Variants in AADACL2 observed in about 807,000 individuals in gnomAD.
AADACL2 encodes the protein arylacetamide deacetylase-like 2.
AADACL2 carries 23 observed loss-of-function variants against 22.3 expected under a neutral mutation model. The ratio of observed to expected loss-of-function variants is 1.03; its 90% CI spans 0.74 to 1.46. The LOEUF is 1.46. Among genes scored for constraint, AADACL2 ranks in the 40% most tolerant of loss-of-function variants. The pLI, the probability that AADACL2 is intolerant of heterozygous loss-of-function variation, is 0.00. For synonymous variants in AADACL2, 177 were observed against 166.2 expected (o/e 1.07, Z -0.50); for missense variants, 472 against 482.9 (o/e 0.98, Z 0.21).
In AADACL2 at chr3:151,759,406, T is replaced by C. The variant is rs535135013; in HGVS notation, c.*1812T>C. The C allele has an allele frequency of 5.3e-5, 8 of 152,138 alleles. No homozygotes were observed. Among genetic ancestry groups the C allele is most frequent in the Non-Finnish European group, 1.0e-4 (7 of 67,982 alleles). The allele number at this position is 152,138 out of a possible 1,614,324, so 9.4% of individuals were successfully genotyped here. A position where few individuals can be genotyped will look rare whatever the true frequency, so the allele number is the denominator to read the frequency against. ...GCAGCTCTCTAGGAAGCACATTTTGTTGATTGTCCTATTGTCTGAACATTT... is the reference window on the plus strand; with the variant it reads ...GCAGCTCTCTAGGAAGCACATTTTGCTGATTGTCCTATTGTCTGAACATTT... On this transcript the variant is annotated 3_prime_UTR_variant, in exon 5 of 5. Coordinates refer to ENST00000356517, the MANE Select transcript of AADACL2 (RefSeq NM_207365.4).
chr3:151,742,058 T>G (rs1483092122), intron 2 of AADACL2, among the ~76,000 whole-genome samples: 2 of 152,180 alleles, frequency 1.3e-5, no homozygotes, highest in African/African-American at 4.8e-5. Context: ...TTAGATACTT[T>G]CTAATTTTCA....
intron 4 of AADACL2, among the ~76,000 whole-genome samples, chr3:151,755,654 T>G (rs993893160): frequency 1.3e-5 from 2 of 152,098 alleles, no homozygotes; most frequent in African/African-American, 4.8e-5. Context: ...AATGACATAA[T>G]GGGGAACATA....
chr3:151,757,268 G>A lies in AADACL2; in HGVS notation c.880G>A (p.Asp294Asn). The change falls in exon 5 of 5, where the codon GAC becomes AAC. Residue 294 changes from aspartate (D) to asparagine (N), a missense_variant. Physicochemically the swap from Asp to Asn is conservative, Grantham distance 23. Around this residue, in one of 3 missense-constraint regions of AADACL2, gnomAD observed 356 missense variants for 365.5 expected, o/e 0.97. Coordinates refer to ENST00000356517, the MANE Select transcript of AADACL2 (RefSeq NM_207365.4). ...TCTTCTTCCTGAGAAGTATAGAAAAGACTATGTATATACTGAACCAATTCT... is the reference window on the plus strand; with the variant it reads ...TCTTCTTCCTGAGAAGTATAGAAAAAACTATGTATATACTGAACCAATTCT... ...SILLPEKYRK[D>N]YVYTEPILGG... The A allele has an allele frequency of 6.2e-7, 1 of 1,613,698 alleles. No homozygotes were observed.
intron 1 of AADACL2, among the ~76,000 whole-genome samples, chr3:151,736,912 A>G (rs1011543280): frequency 5.3e-5 from 8 of 152,156 alleles, no homozygotes; most frequent in Non-Finnish European, 1.2e-4. Context: ...TGTATTTCAC[A>G]ATGGTCGAAC....
At position 151,759,650 on chromosome 3, in the gene AADACL2, T is replaced by C. The variant is rs1413320904; in HGVS notation, c.*2056T>C. On this transcript the variant is annotated 3_prime_UTR_variant, in exon 5 of 5. Transcript: ENST00000356517. Reference sequence around the variant, plus strand: ...TATGTGGTAGAAATGTATGCTAAGGTAGGCCAGTCAATCCTTTTTTATTTA... The same window carrying C: ...TATGTGGTAGAAATGTATGCTAAGGCAGGCCAGTCAATCCTTTTTTATTTA... 6.6e-6 allele frequency: 1 copy of C among 152,240 alleles called. No homozygotes were observed. Among genetic ancestry groups the C allele is most frequent in the Non-Finnish European group, 1.5e-5 (1 of 68,044 alleles). The allele number at this position is 152,240 out of a possible 1,614,324, so 9.4% of individuals were successfully genotyped here.
intron 4 of AADACL2, among the ~76,000 whole-genome samples, chr3:151,747,633 T>C (rs1446369219): frequency 1.3e-5 from 2 of 151,668 alleles, no homozygotes; most frequent in East Asian, 3.9e-4. Context: ...TGTGTGTGTG[T>C]GTGTGTAGAT....
chr3:151,745,027 T>C (rs1034404322), intron 3 of AADACL2, among the ~76,000 whole-genome samples: 1 of 152,156 alleles, frequency 6.6e-6, no homozygotes, highest in Non-Finnish European at 1.5e-5. Context: ...TAATAACTAC[T>C]GGGTATTATC....
chr3:151,747,379 T>A (rs1713488383), intron 4 of AADACL2, among the ~76,000 whole-genome samples: 1 of 152,078 alleles, frequency 6.6e-6, no homozygotes, highest in South Asian at 2.1e-4. Flanking sequence ...CTTTCACCAA[T>A]ATCTCCCTGT....
Position 151,757,141 on chromosome 3 carries a change from C to G in AADACL2, c.753C>G (p.Ser251Arg). ...GGGATGTAGCCATAAAACTCGTGAG[C>G]TTATATTTCACCAAGGATGAAGCAC... ...LTRDVAIKLV[S>R]LYFTKDEALP... The change falls in exon 5 of 5, where the codon AGC becomes AGG. Residue 251 changes from serine (S) to arginine (R), a missense_variant. Transcript: ENST00000356517. 1 of 1,613,146 alleles carries G rather than the reference C, an allele frequency of 6.2e-7. No individual in the cohort carries two copies. The highest frequency in any genetic ancestry group is 8.5e-7 in the Non-Finnish European group (1 of 1,179,612).
intron 4 of AADACL2, among the ~76,000 whole-genome samples, chr3:151,756,780 C>T (rs1461973773): frequency 6.6e-6 from 1 of 151,512 alleles, no homozygotes; most frequent in East Asian, 1.9e-4. Flanking sequence ...TTTCCTCACA[C>T]AAAAAATCAA....
Position 151,734,090 on chromosome 3 carries a change from T to C in AADACL2, c.55T>C (p.Phe19Leu), listed in dbSNP as rs1349606799. The C allele has an allele frequency of 1.2e-6, 2 of 1,613,558 alleles. No homozygotes were observed. Among genetic ancestry groups the C allele is most frequent in the Admixed American group, 3.3e-5 (2 of 59,882 alleles). ...GLLCVLFVSHFYTPMPDNIEE... is the reference protein window; with the variant it reads ...GLLCVLFVSHLYTPMPDNIEE... ...GCTTTGTGTTCTTTTTGTCTCTCAT[T>C]TTTACACACCCATGCCAGACAACAT... is the stretch of plus-strand genomic sequence containing the variant. Residue 19 changes from phenylalanine to leucine, a missense_variant, in exon 1 of 5, where the codon TTT becomes CTT. Around this residue, in one of 3 missense-constraint regions of AADACL2, gnomAD observed 356 missense variants for 365.5 expected, o/e 0.97. Transcript: ENST00000356517.
In AADACL2 at chr3:151,757,434, T is replaced by G; in HGVS notation, c.1046T>G (p.Met349Arg). The G allele has an allele frequency of 6.2e-7, 1 of 1,613,684 alleles. No individual in the cohort carries two copies. Among genetic ancestry groups the G allele is most frequent in the Non-Finnish European group, 8.5e-7 (1 of 1,179,642 alleles). Residue 349 changes from methionine to arginine, a missense_variant, in exon 5 of 5, where the codon ATG becomes AGG. Met to Arg is a moderately conservative substitution (Grantham distance 91). Transcript: ENST00000356517. ...GATCTCTTAAGAGATGATGGACTTA[T>G]GTATGTTACAAGACTTCGAAATGTT... ...QHDLLRDDGL[M>R]YVTRLRNVGV...
intron 4 of AADACL2, among the ~76,000 whole-genome samples, chr3:151,747,610 GTGTGTGTT>G (rs1265603946): frequency 7.2e-6 from 1 of 138,186 alleles, no homozygotes; most frequent in Non-Finnish European, 1.5e-5. Context: ...ATATTCCATT[GTGTGTGTT>G]TGTGTGTGTG....
At chr3:151,736,918 C>G (rs1222118246) in intron 1 of AADACL2, among the ~76,000 whole-genome samples, 1 of 152,076 alleles carries the variant, frequency 6.6e-6, no homozygotes. Context: ...TCACAATGGT[C>G]GAACTAATTT....
chr3:151,739,227 T>C (rs1055909576), intron 1 of AADACL2, among the ~76,000 whole-genome samples: 24 of 152,324 alleles, frequency 1.6e-4, no homozygotes, highest in African/African-American at 5.1e-4. Flanking sequence ...TTTTGTTTGT[T>C]AGTTTTTCTT....
rs1375004070 is a variant in AADACL2, at chr3:151,744,153, T to C, written c.422T>C (p.Val141Ala). Residue 141 changes from valine to alanine, a missense_variant, in exon 3 of 5, where the codon GTA becomes GCA. Around this residue, in one of 3 missense-constraint regions of AADACL2, gnomAD observed 356 missense variants for 365.5 expected, o/e 0.97. Transcript: ENST00000356517. ...WTANTLDAVVVGVDYRLAPQH... is the reference protein window; with the variant it reads ...WTANTLDAVVAGVDYRLAPQH... Reference sequence around the variant, plus strand: ...GCAAACACGCTTGATGCTGTTGTTGTAGGCGTGGAGTAAGAATGATTTTTT... The same window carrying C: ...GCAAACACGCTTGATGCTGTTGTTGCAGGCGTGGAGTAAGAATGATTTTTT... 2 of 1,613,730 alleles carry C rather than the reference T, an allele frequency of 1.2e-6. No homozygotes were observed. Among genetic ancestry groups the C allele is most frequent in the Non-Finnish European group, 1.7e-6 (2 of 1,179,736 alleles).
At chr3:151,750,185 A>C (rs1272832468) in intron 4 of AADACL2, among the ~76,000 whole-genome samples, 1 of 152,208 alleles carries the variant, frequency 6.6e-6, no homozygotes, top group Non-Finnish European at 1.5e-5. Flanking sequence ...ATCCCACTTG[A>C]ACATGGTGTA....
In AADACL2 at chr3:151,756,981, T is replaced by C. The variant is rs772671335; in HGVS notation, c.604-11T>C. ...ATGTTTGCATTACAGAATATTACCA[T>C]ATATTTTCAGGTGCAGAATGATGCT... On this transcript the variant is annotated splice_polypyrimidine_tract_variant and intron_variant, in intron 4 of 4. Coordinates refer to ENST00000356517, the MANE Select transcript of AADACL2 (RefSeq NM_207365.4). The C allele has an allele frequency of 8.2e-6, 13 of 1,577,160 alleles. No homozygotes were observed. The highest frequency in any genetic ancestry group is 1.1e-5 in the Non-Finnish European group (13 of 1,166,720).
At chr3:151,741,038 A>C (rs1475751189) in intron 2 of AADACL2, among the ~76,000 whole-genome samples, 170 bp downstream of exon 2, 1 of 152,220 alleles carries the variant, frequency 6.6e-6, no homozygotes, top group Non-Finnish European at 1.5e-5. Flanking sequence ...AGACATAGAC[A>C]TATGTTTGGC....
Sources: allele counts gnomAD v4.1 joint callset (sites outside exome capture counted in the v4.1 genomes callset), GRCh38; gene constraint gnomAD v4.1.1; regional missense constraint gnomAD v4.1.1; transcripts MANE v1.5; gene names NCBI Gene and HGNC (gene_info 2026-07-23, HGNC 2026-07-21).